Variants in CARNS1 observed in about 807,000 individuals in gnomAD.
The protein encoded by CARNS1 is carnosine synthase 1, also known as ATP-grasp domain containing 1.
In CARNS1, 61 loss-of-function variants were observed where a neutral mutation model predicts 74.0. The observed-to-expected ratio is 0.82, with a 90% CI of 0.67 to 1.02. CARNS1 has a LOEUF of 1.02. CARNS1 is among the 50% of genes least tolerant of loss of function. The pLI is 0.00. For missense variants in CARNS1, 1,278 were observed against 1,308.4 expected (o/e 0.98, Z 0.36); for synonymous variants, 568 against 605.5 (o/e 0.94, Z 0.91).
At position 67,419,254 on chromosome 11, in the gene CARNS1, C is replaced by T. The variant is rs1228484101; in HGVS notation, c.852+11C>T. ...GGTGATATCCTGCAGGTAACAGACT[C>T]TCGCCCACCCTGAGGTCTGTACAGA... On this transcript the variant is annotated intron_variant, in intron 5 of 9. Transcript: ENST00000687366. 2 of 1,468,988 alleles carry T rather than the reference C, an allele frequency of 1.4e-6. No individual in the cohort carries two copies. Among genetic ancestry groups the T allele is most frequent in the South Asian group, 2.8e-5 (2 of 71,672 alleles). 91.0% of individuals were successfully genotyped at this position (1,468,988 alleles called of 1,614,324 possible).
rs1863687363 is a variant in CARNS1, at chr11:67,421,139, G to A, written c.1546G>A (p.Gly516Arg). 4 of 1,488,638 alleles carry A rather than the reference G, an allele frequency of 2.7e-6. No homozygotes were observed. Among genetic ancestry groups the A allele is most frequent in the African/African-American group, 1.5e-5 (1 of 68,302 alleles). The allele number at this position is 1,488,638 out of a possible 1,614,324, so 92.2% of individuals were successfully genotyped here. A position where few individuals can be genotyped will look rare whatever the true frequency, so the allele number is the denominator to read the frequency against. The change falls in exon 9 of 10, where the codon GGA becomes AGA. Residue 516 changes from glycine (G) to arginine (R), a missense_variant. By Grantham distance (125) the Gly-to-Arg change is moderately radical (BLOSUM62 -2). Coordinates refer to ENST00000687366, the MANE Select transcript of CARNS1 (RefSeq NM_001166222.2). The part of the protein sequence containing the change: ...LRRSARCLME[G>R]KQLLVVGAGG... Reference sequence around the variant, plus strand: ...GCGGTCGGCGCGCTGCCTCATGGAGGGAAAACAGCTGCTGGTGGTCGGCGC... The same window carrying A: ...GCGGTCGGCGCGCTGCCTCATGGAGAGAAAACAGCTGCTGGTGGTCGGCGC...
chr11:67,417,603 A>G lies in CARNS1; in HGVS notation c.200A>G (p.Tyr67Cys). ...AEARAWTVYY[Y>C]SLLQSCLQQA... ...GCCCGGGCTTGGACTGTCTACTACT[A>G]CAGCCTCCTGCAGAGCTGTCTGCAG... Residue 67 changes from tyrosine (Y) to cysteine (C), a missense_variant, in exon 3 of 10, where the codon TAC becomes TGC. Around this residue, in one of 3 missense-constraint regions of CARNS1, gnomAD observed 104 missense variants for 127.3 expected, o/e 0.82. Coordinates refer to ENST00000687366, the MANE Select transcript of CARNS1 (RefSeq NM_001166222.2). 7.6e-7 allele frequency: 1 copy of G among 1,309,078 alleles called. No homozygotes were observed. The highest frequency in any genetic ancestry group is 9.7e-7 in the Non-Finnish European group (1 of 1,027,662). The allele number at this position is 1,309,078 out of a possible 1,614,324, so 81.1% of individuals were successfully genotyped here. A position where few individuals can be genotyped will look rare whatever the true frequency, so the allele number is the denominator to read the frequency against.
Position 67,417,431 on chromosome 11 carries a change from G to C in CARNS1, c.28G>C (p.Glu10Gln). 7.1e-7 allele frequency: 1 copy of C among 1,402,070 alleles called. No individual in the cohort carries two copies. The highest frequency in any genetic ancestry group is 9.3e-7 in the Non-Finnish European group (1 of 1,078,280). 86.9% of individuals were successfully genotyped at this position (1,402,070 alleles called of 1,614,324 possible). A position where few individuals can be genotyped will look rare whatever the true frequency, so the allele number is the denominator to read the frequency against. Reference sequence around the variant, plus strand: ...GCTCTCCCTGGATCCATCGGGTCCCGAGTGGGATTGCCCACTGGGCTCCAA... The same window carrying C: ...GCTCTCCCTGGATCCATCGGGTCCCCAGTGGGATTGCCCACTGGGCTCCAA... The part of the protein sequence containing the change: MLSLDPSGP[E>Q]WDCPLGSKDL... The change falls in exon 3 of 10, where the codon GAG (glutamate) becomes CAG (glutamine). Residue 10 changes from glutamate (E) to glutamine (Q), a missense_variant. Physicochemically the swap from Glu to Gln is conservative, Grantham distance 29 (BLOSUM62 2). Transcript: ENST00000687366.
intron 3 of CARNS1, among the ~76,000 whole-genome samples, chr11:67,417,998 G>A (rs189425747): frequency 2.6e-3 from 392 of 152,292 alleles, no homozygotes; most frequent in Non-Finnish European, 4.5e-3. Context: ...CAGCTCAGCA[G>A]CTGAGACCCC....
chr11:67,417,080 G>A, intron 2 of CARNS1: 16 of 1,093,922 alleles, frequency 1.5e-5, no homozygotes, highest in Middle Eastern at 3.9e-4. Flanking sequence ...TTGCCTCCAT[G>A]AACAAAACAA....
At chr11:67,421,464 G>T (rs1271279586) in intron 9 of CARNS1, among the ~76,000 whole-genome samples, 1 of 152,212 alleles carries the variant, frequency 6.6e-6, no homozygotes, top group Admixed American at 6.5e-5. Context: ...GGAGGGCAGG[G>T]AGTCCTCCAC....
chr11:67,417,768 C>T, intron 3 of CARNS1, 91 bp downstream of exon 3: 8 of 962,216 alleles, frequency 8.3e-6, no homozygotes, highest in Non-Finnish European at 1.1e-5. Flanking sequence ...AAGGTCGGCC[C>T]CTTCCCCTAG....
At position 67,423,860 on chromosome 11, in the gene CARNS1, C is replaced by T. The variant is rs917376039; in HGVS notation, c.2112C>T (p.Asp704=). 1.5e-5 allele frequency: 24 copies of T among 1,613,034 alleles called. No homozygotes were observed. Among genetic ancestry groups the T allele is most frequent in the Non-Finnish European group, 1.9e-5 (23 of 1,179,894 alleles). ...AGCACTTTTCCCGGATTACCCGAGA[C>T]TTGCAGGGCGAGGCCGACCACCCAG... ...CHEHFSRITR[D]LQGEADHPGI... Residue 704 remains aspartate, a synonymous_variant, in exon 10 of 10, where the codon GAC becomes GAT. Transcript: ENST00000687366. The surrounding 1 kb of genome is among the most constrained non-coding windows in gnomAD (Gnocchi z 5.1).
chr11:67,419,536 G>A lies in CARNS1; in HGVS notation c.902G>A (p.Arg301His), dbSNP rs375601665. 60 of 1,608,850 alleles carry A rather than the reference G, an allele frequency of 3.7e-5. No individual in the cohort carries two copies. The highest frequency in any genetic ancestry group is 1.3e-4 in the African/African-American group (10 of 74,902). ...GWRWRGRQAW[R>H]LHPRAELGAV... Reference sequence around the variant, plus strand: ...CGCTGGCGGGGGCGGCAGGCATGGCGTCTGCACCCGCGGGCAGAGCTGGGT... The same window carrying A: ...CGCTGGCGGGGGCGGCAGGCATGGCATCTGCACCCGCGGGCAGAGCTGGGT... The change falls in exon 6 of 10, where the codon CGT becomes CAT. Residue 301 changes from arginine (R) to histidine (H), a missense_variant. Arg to His is a conservative substitution (Grantham distance 29, BLOSUM62 0). Around this residue, in one of 3 missense-constraint regions of CARNS1, gnomAD observed 1,164 missense variants for 1,156.5 expected, o/e 1.01. Coordinates refer to ENST00000687366, the MANE Select transcript of CARNS1 (RefSeq NM_001166222.2).
At position 67,421,168 on chromosome 11, in the gene CARNS1, C is replaced by T; in HGVS notation, c.1575C>T (p.Gly525=). The change falls in exon 9 of 10, where the codon GGC becomes GGT. Residue 525 remains glycine, a synonymous_variant. Coordinates refer to ENST00000687366, the MANE Select transcript of CARNS1 (RefSeq NM_001166222.2). The part of the protein sequence containing the change: ...EGKQLLVVGA[G]GVSKKFVWEA... ...AACAGCTGCTGGTGGTCGGCGCTGG[C>T]GGCGTCAGCAAGAAGTTCGTGTGGG... The T allele has an allele frequency of 2.0e-6, 3 of 1,495,838 alleles. No individual in the cohort carries two copies. Among genetic ancestry groups the T allele is most frequent in the Admixed American group, 2.2e-5 (1 of 45,470 alleles). 92.7% of individuals were successfully genotyped at this position (1,495,838 alleles called of 1,614,324 possible).
At position 67,420,963 on chromosome 11, in the gene CARNS1, C is replaced by T; in HGVS notation, c.1370C>T (p.Ala457Val). 1.4e-6 allele frequency: 2 copies of T among 1,424,214 alleles called. No homozygotes were observed. Among genetic ancestry groups the T allele is most frequent in the South Asian group, 1.4e-5 (1 of 73,050 alleles). The allele number at this position is 1,424,214 out of a possible 1,614,324, so 88.2% of individuals were successfully genotyped here. ...FLGVDFALTA[A>V]GGVLTPVALE... Reference sequence around the variant, plus strand: ...GGCGTGGATTTCGCGCTGACAGCGGCCGGCGGCGTGCTGACCCCAGTGGCC... The same window carrying T: ...GGCGTGGATTTCGCGCTGACAGCGGTCGGCGGCGTGCTGACCCCAGTGGCC... Residue 457 changes from alanine to valine, a missense_variant, in exon 9 of 10, where the codon GCC becomes GTC. Transcript: ENST00000687366.
intron 2 of CARNS1, chr11:67,417,005 A>C: frequency 1.0e-6 from 1 of 1,000,080 alleles, no homozygotes; most frequent in African/African-American, 1.7e-5. Context: ...TCATTCATCT[A>C]CTCTTCAGTC....
Position 67,424,829 on chromosome 11 carries a change from C to T in CARNS1, c.*228C>T. On this transcript the variant is annotated 3_prime_UTR_variant, in exon 10 of 10. Coordinates refer to ENST00000687366, the MANE Select transcript of CARNS1 (RefSeq NM_001166222.2). ...GGCCCCAGTCCAGCCTACAGCTTCC[C>T]CAGCATTCTAGCCTTGGAGAAATGA... 1.6e-6 allele frequency: 1 copy of T among 634,306 alleles called. No individual in the cohort carries two copies. The highest frequency in any genetic ancestry group is 2.8e-6 in the Non-Finnish European group (1 of 352,210). 39.3% of individuals were successfully genotyped at this position (634,306 alleles called of 1,614,324 possible). A position where few individuals can be genotyped will look rare whatever the true frequency, so the allele number is the denominator to read the frequency against.
Position 67,422,590 on chromosome 11 carries a change from G to A in CARNS1, c.1627-785G>A, listed in dbSNP as rs144625754. Among the ~76,000 whole-genome samples, 713 of 152,270 alleles carry A rather than the reference G, an allele frequency of 4.7e-3. 9 individuals are homozygous for A. Among genetic ancestry groups the A allele is most frequent in the African/African-American group, 0.016 (665 of 41,542 alleles). On this transcript the variant is annotated intron_variant, in intron 9 of 9. Transcript: ENST00000687366. ...GATCCTCCTGCTTCGGCCTCCCAAA[G>A]TGCTGGGATTACAGGTGTGAGCCAC...
chr11:67,421,565 G>C (rs1253321063), intron 9 of CARNS1, among the ~76,000 whole-genome samples: 1 of 152,146 alleles, frequency 6.6e-6, no homozygotes, highest in Non-Finnish European at 1.5e-5. Context: ...TAAGGAGCCT[G>C]GCTCTGTCTT....
Position 67,419,127 on chromosome 11 carries a change from G to T in CARNS1, c.736G>T (p.Asp246Tyr). ...YKPPGLLRGGDASLGLRLVEL... is the reference protein window; with the variant it reads ...YKPPGLLRGGYASLGLRLVEL... ...GCCGCCGGGGCTGCTGCGGGGAGGGGATGCCAGCCTAGGGCTACGGCTGGT... is the reference window on the plus strand; with the variant it reads ...GCCGCCGGGGCTGCTGCGGGGAGGGTATGCCAGCCTAGGGCTACGGCTGGT... Residue 246 changes from aspartate (D) to tyrosine (Y), a missense_variant, in exon 5 of 10, where the codon GAT (aspartate) becomes TAT (tyrosine). Asp to Tyr is a radical substitution (Grantham distance 160). Transcript: ENST00000687366. The T allele has an allele frequency of 6.4e-7, 1 of 1,574,472 alleles. No homozygotes were observed. Among genetic ancestry groups the T allele is most frequent in the South Asian group, 1.2e-5 (1 of 86,156 alleles).
At chr11:67,418,364 G>A in intron 3 of CARNS1, 67 bp from the exon 4 acceptor site, 1 of 1,175,278 alleles carries the variant, frequency 8.5e-7, no homozygotes, top group African/African-American at 1.6e-5. Context: ...GTGTGGAGGT[G>A]GTGGAAGGTG....
Position 67,420,618 on chromosome 11 carries a change from G to A in CARNS1, c.1123G>A (p.Gly375Ser). ...DRPLLSKVVCGVGRGDRPLRH... is the reference protein window; with the variant it reads ...DRPLLSKVVCSVGRGDRPLRH... ...GTCTCCCCCTGCCCAGGTGGTGTGC[G>A]GCGTGGGCCGCGGGGACCGCCCTCT... Residue 375 changes from glycine (G) to serine (S), a missense_variant, in exon 8 of 10, where the codon GGC becomes AGC. Gly to Ser is a moderately conservative substitution (Grantham distance 56). Around this residue, in one of 3 missense-constraint regions of CARNS1, gnomAD observed 1,164 missense variants for 1,156.5 expected, o/e 1.01. Coordinates refer to ENST00000687366, the MANE Select transcript of CARNS1 (RefSeq NM_001166222.2). The A allele has an allele frequency of 2.4e-6, 3 of 1,239,544 alleles. No individual in the cohort carries two copies. 76.8% of individuals were successfully genotyped at this position (1,239,544 alleles called of 1,614,324 possible). A position where few individuals can be genotyped will look rare whatever the true frequency, so the allele number is the denominator to read the frequency against.
At chr11:67,420,416 G>A (rs1863664566) in intron 7 of CARNS1, among the ~76,000 whole-genome samples, 193 bp from the exon 8 acceptor site, 1 of 152,236 alleles carries the variant, frequency 6.6e-6, no homozygotes, top group Non-Finnish European at 1.5e-5. Flanking sequence ...TGGGTAGGTA[G>A]AATCCCTGGA....
Sources: gnomAD v4.1 joint callset for allele counts (sites outside exome capture counted in the v4.1 genomes callset) on GRCh38, gnomAD v4.1.1 for gene constraint, gnomAD v4.1.1 regional missense constraint, Gnocchi (gnomAD v3.1) non-coding constraint, MANE v1.5 for transcripts, NCBI Gene and HGNC (gene_info 2026-07-23, HGNC 2026-07-21) for gene names.